MRPL39: variants seen among roughly 807,000 people sequenced by gnomAD.
The protein encoded by MRPL39 is large ribosomal subunit protein mL39.
A neutral mutation model predicts 44.5 loss-of-function variants in MRPL39; 35 were observed. That is an observed-to-expected ratio of 0.79 (90% CI 0.60 to 1.04). MRPL39 has a LOEUF of 1.04. MRPL39 is among the 50% of genes least tolerant of loss of function. The probability of loss-of-function intolerance (pLI) is 0.00; values close to 1 mark genes in which losing one functional copy is unlikely to be tolerated. For missense variants in MRPL39, 433 were observed against 413.5 expected (o/e 1.05, Z -0.41); for synonymous variants, 139 against 136.1 (o/e 1.02, Z -0.15).
intron 5 of MRPL39, among the ~76,000 whole-genome samples, chr21:25,597,941 A>G (rs1048867271): frequency 6.6e-6 from 1 of 152,146 alleles, no homozygotes; most frequent in Non-Finnish European, 1.5e-5. Context: ...AAAAATGTCA[A>G]TTTTACACAA....
At chr21:25,603,464 T>C (rs1485343440) in intron 3 of MRPL39, among the ~76,000 whole-genome samples, 1 of 152,116 alleles carries the variant, frequency 6.6e-6, no homozygotes, top group African/African-American at 2.4e-5. Flanking sequence ...TAAAAAGTTA[T>C]TGAAATCATC....
At chr21:25,590,804 C>T (rs1601369755) in intron 8 of MRPL39, among the ~76,000 whole-genome samples, 1 of 151,994 alleles carries the variant, frequency 6.6e-6, no homozygotes, top group Non-Finnish European at 1.5e-5. Flanking sequence ...CTCAAAGAGA[C>T]TAGAAGAGTT....
intron 6 of MRPL39, among the ~76,000 whole-genome samples, chr21:25,595,502 T>C (rs913396671): frequency 6.6e-6 from 1 of 152,202 alleles, no homozygotes; most frequent in African/African-American, 2.4e-5. Context: ...TACCAGTCCT[T>C]GACAGTTAGA....
chr21:25,588,877 A>C lies in MRPL39; in HGVS notation c.927T>G (p.His309Gln), dbSNP rs778345316. ...CCAATAGCTTATCCCATATTGTAAA[A>C]TGTGCCTTGAAAAGAAAAGATTTGC... ...GVSLPVHLRA[H>Q]FTIWDKLLER... The change falls in exon 9 of 10, where the codon CAT becomes CAG. Residue 309 changes from histidine (H) to glutamine (Q), a missense_variant. Transcript: ENST00000352957. 2 of 1,612,800 alleles carry C rather than the reference A, an allele frequency of 1.2e-6. No homozygotes were observed. The highest frequency in any genetic ancestry group is 2.2e-5 in the South Asian group (2 of 90,874).
intron 8 of MRPL39, among the ~76,000 whole-genome samples, chr21:25,591,563 A>C (rs1425653979): frequency 6.6e-6 from 1 of 152,234 alleles, no homozygotes; most frequent in Non-Finnish European, 1.5e-5. Flanking sequence ...AAATAAGTAC[A>C]TGAAAAAATG....
rs1009112608 is a variant in MRPL39, at chr21:25,601,771, C to T, written c.421-304G>A. ...CCTGAAAGTATTTATTTTTAACCCACGATAAAGTTAACTTGTTAACAAACT... is the reference window on the plus strand; with the variant it reads ...CCTGAAAGTATTTATTTTTAACCCATGATAAAGTTAACTTGTTAACAAACT... On this transcript the variant is annotated intron_variant, in intron 3 of 9. Coordinates refer to ENST00000352957, the MANE Select transcript of MRPL39 (RefSeq NM_017446.4). Among the ~76,000 whole-genome samples, 4 of 152,122 alleles carry T rather than the reference C, an allele frequency of 2.6e-5. No homozygotes were observed. In the East Asian group the frequency reaches 5.8e-4, roughly 22 times the overall value.
Position 25,585,690 on chromosome 21 carries a change from T to C in MRPL39, c.*17A>G. ...AAACATTTATTTTATTATACATATT[T>C]AAATTTTAGAAAGTTATTAGGTAGA... On this transcript the variant is annotated 3_prime_UTR_variant, in exon 10 of 10. Transcript: ENST00000352957. 3 of 1,386,730 alleles carry C rather than the reference T, an allele frequency of 2.2e-6. No homozygotes were observed. Among genetic ancestry groups the C allele is most frequent in the Non-Finnish European group, 3.0e-6 (3 of 999,752 alleles). The allele number at this position is 1,386,730 out of a possible 1,614,324, so 85.9% of individuals were successfully genotyped here. A position where few individuals can be genotyped will look rare whatever the true frequency, so the allele number is the denominator to read the frequency against.
intron 5 of MRPL39, among the ~76,000 whole-genome samples, chr21:25,598,472 A>G (rs1487794491): frequency 7.0e-6 from 1 of 142,724 alleles, no homozygotes; most frequent in African/African-American, 2.6e-5. Context: ...AAGAAAGAAA[A>G]AAGCAGTTAT....
chr21:25,594,249 C>CTTTTTT (rs34629790), intron 6 of MRPL39, among the ~76,000 whole-genome samples: 2 of 54,258 alleles, frequency 3.7e-5, no homozygotes, highest in African/African-American at 2.0e-4. Context: ...TTTCTTTGTT[C>CTTTTTT]TTTTTTTTTT....
At chr21:25,601,871 T>C (rs2031535136) in intron 3 of MRPL39, among the ~76,000 whole-genome samples, 1 of 152,268 alleles carries the variant, frequency 6.6e-6, no homozygotes, top group Non-Finnish European at 1.5e-5. Context: ...ACTCAACTTT[T>C]ATGAATTATT....
At chr21:25,588,711 T>C in intron 9 of MRPL39, 124 bp downstream of exon 9, 2 of 867,374 alleles carry the variant, frequency 2.3e-6, no homozygotes, top group Non-Finnish European at 1.8e-6. Context: ...GCTTTGACTA[T>C]TGAGACAACT....
chr21:25,597,944 T>A (rs910351363), intron 5 of MRPL39, among the ~76,000 whole-genome samples: 1 of 152,156 alleles, frequency 6.6e-6, no homozygotes, highest in Non-Finnish European at 1.5e-5. Flanking sequence ...AATGTCAATT[T>A]TACACAATTA....
At chr21:25,600,778 T>C (rs974919702) in intron 4 of MRPL39, among the ~76,000 whole-genome samples, 31 of 152,056 alleles carry the variant, frequency 2.0e-4, no homozygotes, top group Non-Finnish European at 4.0e-4. Flanking sequence ...TCCTCCTCTA[T>C]ACATCCAATT....
chr21:25,589,006 G>A (rs868012905), intron 8 of MRPL39, 124 bp from the exon 9 acceptor site: 3 of 823,354 alleles, frequency 3.6e-6, no homozygotes, highest in Middle Eastern at 7.5e-4. Context: ...ATTTAGATAA[G>A]TGGTTATAAA....
intron 1 of MRPL39, among the ~76,000 whole-genome samples, chr21:25,607,178 C>A (rs1425676205): frequency 6.6e-6 from 1 of 152,216 alleles, no homozygotes; most frequent in Non-Finnish European, 1.5e-5. Flanking sequence ...CGGCCTGGCT[C>A]CGACCCCTGG....
At chr21:25,593,147 A>G (rs1052352294) in intron 7 of MRPL39, among the ~76,000 whole-genome samples, 182 bp from the exon 8 acceptor site, 34 of 152,218 alleles carry the variant, frequency 2.2e-4, no homozygotes, top group Admixed American at 6.5e-5. Context: ...TAAAACTTTG[A>G]AAATTAAATC....
At chr21:25,592,222 A>C (rs753337149) in intron 8 of MRPL39, among the ~76,000 whole-genome samples, 7 of 152,318 alleles carry the variant, frequency 4.6e-5, no homozygotes, top group Admixed American at 2.0e-4. Context: ...TAAAAGGCCA[A>C]CATGAGGGAT....
At chr21:25,604,098 AC>A (rs1444253550) in intron 2 of MRPL39, among the ~76,000 whole-genome samples, 163 bp from the exon 3 acceptor site, 2 of 150,522 alleles carry the variant, frequency 1.3e-5, no homozygotes, top group East Asian at 3.9e-4. Context: ...AAAAAAAAAA[AC>A]CCTACAAAAA....
At chr21:25,607,086 G>GTA (rs111436259) in intron 1 of MRPL39, among the ~76,000 whole-genome samples, 1 of 152,376 alleles carries the variant, frequency 6.6e-6, no homozygotes, top group African/African-American at 2.4e-5. Context: ...GCCAAGGCAA[G>GTA]TACGAGTATT....
Sources: allele counts gnomAD v4.1 joint callset (sites outside exome capture counted in the v4.1 genomes callset), GRCh38; gene constraint gnomAD v4.1.1; transcripts MANE v1.5; gene names NCBI Gene and HGNC (gene_info 2026-07-23, HGNC 2026-07-21).